The following DYNLT5 variants were observed in gnomAD, a reference collection of about 807,000 sequenced individuals.
DYNLT5 encodes dynein light chain Tctex-type 5.
A neutral mutation model predicts 19.3 loss-of-function variants in DYNLT5; 25 were observed. The observed-to-expected ratio is 1.30, with a 90% CI of 0.95 to 1.81. The LOEUF (loss-of-function observed/expected upper bound fraction) is 1.81, where lower values mean the gene tolerates loss of function less well. Ranked by LOEUF, DYNLT5 falls within the 40% of genes most tolerant of loss-of-function variation. The pLI, the probability that DYNLT5 is intolerant of heterozygous loss-of-function variation, is 0.00. For synonymous variants in DYNLT5, 82 were observed against 68.9 expected (o/e 1.19, Z -0.94); for missense variants, 232 against 217.9 (o/e 1.06, Z -0.41).
At chr1:66,766,847 C>A (rs1232979755) in intron 2 of DYNLT5, among the ~76,000 whole-genome samples, 1 of 152,052 alleles carries the variant, frequency 6.6e-6, no homozygotes, top group Non-Finnish European at 1.5e-5. Flanking sequence ...TTCCAAGGCA[C>A]AGAAAGCAAT....
chr1:66,756,617 C>T (rs2094636456), intron 2 of DYNLT5, among the ~76,000 whole-genome samples: 1 of 152,156 alleles, frequency 6.6e-6, no homozygotes, highest in Non-Finnish European at 1.5e-5. Context: ...CACTGAATCT[C>T]CCCCGCATTA....
chr1:66,766,133 G>C (rs1355315532), intron 2 of DYNLT5, among the ~76,000 whole-genome samples: 1 of 152,090 alleles, frequency 6.6e-6, no homozygotes, highest in African/African-American at 2.4e-5. Flanking sequence ...ATAACTCTCT[G>C]GGACACGTTT....
rs560834072 is a variant in DYNLT5, at chr1:66,778,878, T to A, written c.*1424T>A. 5 of 152,288 alleles carry A rather than the reference T, an allele frequency of 3.3e-5. No homozygotes were observed. The Middle Eastern group carries it at 0.01, about 311-fold the overall frequency. 9.4% of individuals were successfully genotyped at this position (152,288 alleles called of 1,614,324 possible). ...TTATCACAACCAATATTTGTCAATC[T>A]CCATAGAACAGTTTTCAATCTGGAT... On this transcript the variant is annotated 3_prime_UTR_variant, in exon 5 of 5. Coordinates refer to ENST00000282670, the MANE Select transcript of DYNLT5 (RefSeq NM_152665.3).
chr1:66,771,468 C>T (rs1645204126), intron 3 of DYNLT5, among the ~76,000 whole-genome samples: 2 of 152,162 alleles, frequency 1.3e-5, no homozygotes, highest in Non-Finnish European at 2.9e-5. Context: ...GGCATATAAC[C>T]ATGGTGAATC....
At chr1:66,776,150 T>C in intron 3 of DYNLT5, 129 bp from the exon 4 acceptor site, 1 of 1,254,146 alleles carries the variant, frequency 8.0e-7, no homozygotes, top group South Asian at 1.9e-5. Context: ...GAGCCACTTG[T>C]TTCTTTCAAT....
At chr1:66,754,529 A>C (rs2094632608) in intron 1 of DYNLT5, 127 bp from the exon 2 acceptor site, 116 of 943,546 alleles carry the variant, frequency 1.2e-4, no homozygotes, top group Middle Eastern at 2.9e-4. Flanking sequence ...GCTCTTGAGG[A>C]AACCCCACTT....
chr1:66,772,258 G>A (rs1645208490), intron 3 of DYNLT5, among the ~76,000 whole-genome samples: 1 of 152,188 alleles, frequency 6.6e-6, no homozygotes, highest in South Asian at 2.1e-4. Flanking sequence ...CTTCTGGTAA[G>A]ACCTCAGTAA....
intron 4 of DYNLT5, among the ~76,000 whole-genome samples, chr1:66,776,692 T>G (rs1024203230): frequency 2.0e-5 from 3 of 152,118 alleles, no homozygotes; most frequent in African/African-American, 2.4e-5. Context: ...ATACAACATT[T>G]TAATGATTAT....
In DYNLT5 at chr1:66,777,300, T is replaced by C. The variant is rs1347305384; in HGVS notation, c.386T>C (p.Ile129Thr). 6.2e-7 allele frequency: 1 copy of C among 1,613,904 alleles called. No individual in the cohort carries two copies. The highest frequency in any genetic ancestry group is 1.1e-5 in the South Asian group (1 of 91,068). ...TTGATGATTCCACGGTATAAACTAA[T>C]TGTGATTGTTCACATTGGACAACTG... ...KDLMIPRYKL[I>T]VIVHIGQLNR... The change falls in exon 5 of 5, where the codon ATT (isoleucine) becomes ACT (threonine). Residue 129 changes from isoleucine (I) to threonine (T), a missense_variant. Ile to Thr is a moderately conservative substitution (Grantham distance 89). Transcript: ENST00000282670.
At chr1:66,756,506 A>T (rs1188449801) in intron 2 of DYNLT5, among the ~76,000 whole-genome samples, 3 of 152,250 alleles carry the variant, frequency 2.0e-5, no homozygotes, top group African/African-American at 7.2e-5. Flanking sequence ...ATGGAAAAAC[A>T]TATAACTTTC....
chr1:66,758,852 T>C (rs664533), intron 2 of DYNLT5, among the ~76,000 whole-genome samples: 30,304 of 152,120 alleles, frequency 0.2, 4,050 homozygotes, highest in Non-Finnish European at 0.29. Flanking sequence ...CTGTGAGCTG[T>C]TTACGGGCAA....
chr1:66,752,634 G>A (rs1030349190), intron 1 of DYNLT5, 50 bp downstream of exon 1: 2 of 975,094 alleles, frequency 2.1e-6, no homozygotes, highest in Middle Eastern at 5.3e-4. Flanking sequence ...GGAAGGATAG[G>A]GGGCAAGGGA....
chr1:66,762,066 A>G (rs2094646877), intron 2 of DYNLT5, among the ~76,000 whole-genome samples: 1 of 151,892 alleles, frequency 6.6e-6, no homozygotes, highest in Non-Finnish European at 1.5e-5. Flanking sequence ...TTCTTTGCTC[A>G]TTTGTAAGAA....
At chr1:66,763,674 C>G (rs562530085) in intron 2 of DYNLT5, among the ~76,000 whole-genome samples, 13 of 152,336 alleles carry the variant, frequency 8.5e-5, no homozygotes, top group African/African-American at 3.1e-4. Flanking sequence ...CAAACCTCTG[C>G]TAGTTTCAAA....
At chr1:66,772,189 A>G (rs1182122859) in intron 3 of DYNLT5, among the ~76,000 whole-genome samples, 3 of 152,194 alleles carry the variant, frequency 2.0e-5, no homozygotes, top group Non-Finnish European at 4.4e-5. Context: ...TATAAAGAAA[A>G]CAGGTTTATT....
At position 66,752,513 on chromosome 1, in the gene DYNLT5, G is replaced by C; in HGVS notation, c.-75G>C. On this transcript the variant is annotated 5_prime_UTR_variant, in exon 1 of 5. Transcript: ENST00000282670. ...CCGGCTGAATGAAGCCTGGGACGCG[G>C]GAGCCGCGCCGCGCGCAGTGTCTGC... The C allele has an allele frequency of 3.0e-6, 3 of 985,574 alleles. No individual in the cohort carries two copies. The highest frequency in any genetic ancestry group is 3.6e-6 in the Non-Finnish European group (3 of 830,052). 61.1% of individuals were successfully genotyped at this position (985,574 alleles called of 1,614,324 possible).
chr1:66,754,581 G>C, intron 1 of DYNLT5, 75 bp from the exon 2 acceptor site: 1 of 1,432,388 alleles, frequency 7.0e-7, no homozygotes, highest in South Asian at 1.6e-5. Flanking sequence ...TGTACTTTGA[G>C]ATTAGTCCCT....
chr1:66,757,944 A>G (rs534935735), intron 2 of DYNLT5, among the ~76,000 whole-genome samples: 4 of 152,320 alleles, frequency 2.6e-5, no homozygotes, highest in South Asian at 2.1e-4. Context: ...AGTAGTTACA[A>G]TAGAAACCGT....
chr1:66,776,139 A>C, intron 3 of DYNLT5, 140 bp from the exon 4 acceptor site: 1 of 1,130,984 alleles, frequency 8.8e-7, no homozygotes, highest in Non-Finnish European at 1.2e-6. Context: ...AAACCTAATT[A>C]GAGCCACTTG....
Sources: allele counts gnomAD v4.1 joint callset (sites outside exome capture counted in the v4.1 genomes callset), GRCh38; gene constraint gnomAD v4.1.1; transcripts MANE v1.5; gene names NCBI Gene and HGNC (gene_info 2026-07-23, HGNC 2026-07-21).